The following FHL2 variants were observed in gnomAD, a reference collection of about 807,000 sequenced individuals.
FHL2 encodes four and a half LIM domains 2.
A neutral mutation model predicts 32.7 loss-of-function variants in FHL2; 20 were observed. The ratio of observed to expected loss-of-function variants is 0.61; its 90% confidence interval spans 0.43 to 0.89. The LOEUF (loss-of-function observed/expected upper bound fraction) is 0.89. Ranked by LOEUF, FHL2 falls within the 40% of genes least tolerant of loss-of-function variation. The pLI is 0.00. For missense variants in FHL2, 311 were observed against 358.6 expected, an observed-to-expected ratio of 0.87 and a Z score of 1.07; for synonymous variants, 123 against 128.1, an observed-to-expected ratio of 0.96 and a Z score of 0.27.
At position 105,398,824 on chromosome 2, in the gene FHL2, G is replaced by A. The variant is rs2104635171; in HGVS notation, c.-76+18C>T. 2 of 1,420,576 alleles carry A rather than the reference G, an allele frequency of 1.4e-6. No homozygotes were observed. Among genetic ancestry groups the A allele is most frequent in the Non-Finnish European group, 1.8e-6 (2 of 1,084,916 alleles). 88.0% of individuals were successfully genotyped at this position (1,420,576 alleles called of 1,614,324 possible). On this transcript the variant is annotated intron_variant, in intron 1 of 6. Transcript: ENST00000530340. ...TCCCAGTGGTCTTCCCGGACCCACA[G>A]CTCTGCTCTCCTCTCACCAGTCTCC...
chr2:105,394,683 T>C (rs1377866683), intron 2 of FHL2, among the ~76,000 whole-genome samples: 3 of 152,204 alleles, frequency 2.0e-5, no homozygotes, highest in Non-Finnish European at 2.9e-5. Context: ...AATTGTTGGA[T>C]TTTAAACAAT....
intron 1 of FHL2, 137 bp downstream of exon 1, chr2:105,398,705 C>G: frequency 3.0e-6 from 2 of 667,092 alleles, no homozygotes. Context: ...GTCTCCCCAC[C>G]CCCAACCCCC....
At chr2:105,363,838 C>A (rs1025695155) in intron 5 of FHL2, among the ~76,000 whole-genome samples, 1 of 152,142 alleles carries the variant, frequency 6.6e-6, no homozygotes, top group African/African-American at 2.4e-5. Context: ...GGGTTTGAAT[C>A]CTAACCCTAC....
chr2:105,382,440 C>G (rs1427666902), intron 3 of FHL2, among the ~76,000 whole-genome samples: 1 of 152,240 alleles, frequency 6.6e-6, no homozygotes, highest in East Asian at 1.9e-4. Context: ...AATTGTACCT[C>G]GGATACTTCC....
At chr2:105,373,804 C>T (rs1469243855) in intron 3 of FHL2, 71 bp from the exon 4 acceptor site, 1 of 1,506,886 alleles carries the variant, frequency 6.6e-7, no homozygotes, top group African/African-American at 1.4e-5. Context: ...ATAGGGGCCC[C>T]TTGCGAATCT....
chr2:105,407,707 C>G (rs528008792), intron 1 of FHL2, among the ~76,000 whole-genome samples: 9 of 152,286 alleles, frequency 5.9e-5, no homozygotes, highest in African/African-American at 1.7e-4. Flanking sequence ...GGGAAGTGTG[C>G]ATGTGGACGT....
chr2:105,366,217 GAAAA>G (rs1019121245), intron 5 of FHL2, among the ~76,000 whole-genome samples: 1 of 140,618 alleles, frequency 7.1e-6, no homozygotes, highest in Non-Finnish European at 1.6e-5. Flanking sequence ...CTCAAAAAAA[GAAAA>G]AAAAAAAGGA....
At chr2:105,430,670 C>A (rs1023350401) in intron 1 of FHL2, among the ~76,000 whole-genome samples, 1 of 152,150 alleles carries the variant, frequency 6.6e-6, no homozygotes, top group East Asian at 1.9e-4. Context: ...CTCCATCTAA[C>A]AAAACCCTAG....
intron 1 of FHL2, among the ~76,000 whole-genome samples, chr2:105,429,365 A>G (rs2104680485): frequency 6.6e-6 from 1 of 152,326 alleles, no homozygotes. Flanking sequence ...TAAGTTAAGG[A>G]TCATGAGATA....
intron 6 of FHL2, 40 bp downstream of exon 6, chr2:105,363,245 T>G: frequency 6.2e-7 from 1 of 1,605,266 alleles, no homozygotes; most frequent in Non-Finnish European, 8.5e-7. Context: ...TTGTTCAAGC[T>G]TCCAATCGCC....
chr2:105,434,261 G>C (rs1394324570), intron 1 of FHL2, among the ~76,000 whole-genome samples: 1 of 152,200 alleles, frequency 6.6e-6, no homozygotes, highest in African/African-American at 2.4e-5. Context: ...ATGCCAACTG[G>C]ATCGGAAAGT....
upstream of FHL2, chr2:105,399,312 G>A: frequency 1.3e-6 from 2 of 1,535,862 alleles, no homozygotes; most frequent in East Asian, 4.9e-5. Context: ...TGGGCTCTCG[G>A]GCGCGAGTTT....
rs746398785 is a variant in FHL2 at position 105,386,559 on chromosome 2, A to G, written c.-24-19T>C. On this transcript the variant is annotated intron_variant, in intron 2 of 6. Transcript: ENST00000530340. The stretch of plus-strand genomic sequence containing the variant: ...CAGCAACCTATCAAAAAGAAAAGAA[A>G]ATCCAAGTCCCATTAAGCACTCTCT... The G allele has an allele frequency of 6.2e-7, 1 of 1,612,912 alleles. No individual in the cohort carries two copies. The highest frequency in any genetic ancestry group is 2.2e-5 in the East Asian group (1 of 44,858).
At chr2:105,374,630 G>T (rs1317013118) in intron 3 of FHL2, 1 of 152,046 alleles carries the variant, frequency 6.6e-6, no homozygotes, top group Non-Finnish European at 1.5e-5. Flanking sequence ...AAAGATGAGG[G>T]AGAGAAAGGA....
chr2:105,418,402 C>T (rs1000746497), intron 1 of FHL2, among the ~76,000 whole-genome samples: 7 of 150,996 alleles, frequency 4.6e-5, no homozygotes, highest in African/African-American at 1.7e-4. Flanking sequence ...AAATAAGCCT[C>T]AGAGACCCAG....
upstream of FHL2, among the ~76,000 whole-genome samples, chr2:105,402,494 C>G (rs1683506438): frequency 6.6e-6 from 1 of 152,112 alleles, no homozygotes; most frequent in Non-Finnish European, 1.5e-5. Flanking sequence ...GATCCACCCA[C>G]TTGGCCTCCC....
chr2:105,399,675 G>C, upstream of FHL2: 1 of 1,466,674 alleles, frequency 6.8e-7, no homozygotes, highest in Non-Finnish European at 9.0e-7. Context: ...AGTGAGCTGG[G>C]AGCGTGCCTC....
At chr2:105,397,511 T>A (rs1476992402) in intron 1 of FHL2, among the ~76,000 whole-genome samples, 1 of 152,086 alleles carries the variant, frequency 6.6e-6, no homozygotes, top group African/African-American at 2.4e-5. Flanking sequence ...CTACATGCAG[T>A]CCCCGGCATC....
chr2:105,390,781 A>C (rs1352015260), intron 2 of FHL2, among the ~76,000 whole-genome samples: 1 of 149,048 alleles, frequency 6.7e-6, no homozygotes, highest in Non-Finnish European at 1.5e-5. Context: ...CTGTATTAGA[A>C]ATCTCCTATA....
Sources: allele counts gnomAD v4.1 joint callset (sites outside exome capture counted in the v4.1 genomes callset), GRCh38; gene constraint gnomAD v4.1.1; transcripts MANE v1.5; gene names NCBI Gene and HGNC (gene_info 2026-07-23, HGNC 2026-07-21).